Variants in TULP4 observed in about 807,000 individuals in gnomAD.
TULP4 encodes the protein TUB like protein 4.
TULP4 carries 16 observed loss-of-function variants against 129.0 expected under a neutral mutation model. The ratio of observed to expected loss-of-function variants is 0.12; its 90% CI spans 0.08 to 0.19. The LOEUF is 0.19. Ranked by LOEUF, TULP4 falls within the 10% of genes least tolerant of loss-of-function variation. The probability of loss-of-function intolerance (pLI) is 1.00; values close to 1 mark genes in which losing one functional copy is unlikely to be tolerated. For synonymous variants in TULP4, 998 were observed against 854.0 expected (o/e 1.17, Z -2.94); for missense variants, 1,842 against 2,059.1 (o/e 0.89, Z 2.04).
At chr6:158,297,324 TC>T (rs751735421) in intron 1 of TULP4, among the ~76,000 whole-genome samples, 6 of 152,188 alleles carry the variant, frequency 3.9e-5, no homozygotes, top group Non-Finnish European at 8.8e-5. Flanking sequence ...CTTGCATTGT[TC>T]CCTAAAATCG....
At chr6:158,471,264 T>C (rs1321560331) in intron 6 of TULP4, among the ~76,000 whole-genome samples, 1 of 152,264 alleles carries the variant, frequency 6.6e-6, no homozygotes, top group African/African-American at 2.4e-5. Flanking sequence ...AGGAGTGCCA[T>C]GGAGTGCCAT....
intron 1 of TULP4, among the ~76,000 whole-genome samples, chr6:158,306,830 G>T (rs1779223920): frequency 6.6e-6 from 1 of 151,938 alleles, no homozygotes; most frequent in African/African-American, 2.4e-5. Flanking sequence ...GACCAGCCTG[G>T]CTAACGTGGC....
At position 158,423,007 on chromosome 6, in the gene TULP4, A is replaced by G. The variant is rs566192246; in HGVS notation, c.382-6729A>G. The stretch of plus-strand genomic sequence containing the variant: ...GCTAGCCTGGCTCTAAGAAACTTAC[A>G]GGCTCACGCCTGTAATCCAAGCTCT... On this transcript the variant is annotated intron_variant, in intron 2 of 13. Coordinates refer to ENST00000367097, the MANE Select transcript of TULP4 (RefSeq NM_020245.5). Among the ~76,000 whole-genome samples the G allele has an allele frequency of 1.4e-4, 22 of 152,024 alleles. 1 individual carries two copies. The South Asian group carries it at 4.2e-3, about 29-fold the overall frequency.
At chr6:158,345,675 A>T (rs543098373) in intron 1 of TULP4, among the ~76,000 whole-genome samples, 2 of 152,340 alleles carry the variant, frequency 1.3e-5, no homozygotes, top group South Asian at 4.1e-4. Context: ...TCCAACAAAG[A>T]TGGCAAGGCA....
At chr6:158,409,807 A>G (rs78599025) in intron 1 of TULP4, among the ~76,000 whole-genome samples, 264 of 152,306 alleles carry the variant, frequency 1.7e-3, no homozygotes, top group African/African-American at 5.1e-3. Context: ...TTAGCAAAGT[A>G]TGTAAATGGG....
intron 1 of TULP4, among the ~76,000 whole-genome samples, chr6:158,364,810 C>T (rs192530243): frequency 2.6e-5 from 4 of 152,294 alleles, no homozygotes; most frequent in East Asian, 1.9e-4. Context: ...GATCTTGGCT[C>T]ACTGCAAGCT....
At chr6:158,492,360 G>A (rs1780235742) in intron 9 of TULP4, among the ~76,000 whole-genome samples, 1 of 152,156 alleles carries the variant, frequency 6.6e-6, no homozygotes, top group African/African-American at 2.4e-5. Context: ...ATTAATTTTT[G>A]TGTTTGGTAT....
chr6:158,394,387 C>T (rs1389569075), intron 1 of TULP4, among the ~76,000 whole-genome samples: 1 of 152,042 alleles, frequency 6.6e-6, no homozygotes, highest in Non-Finnish European at 1.5e-5. Context: ...TTGCCTATTA[C>T]CCAGTTTCGA....
chr6:158,296,610 A>G (rs1297441792), intron 1 of TULP4, among the ~76,000 whole-genome samples: 7 of 151,634 alleles, frequency 4.6e-5, no homozygotes, highest in African/African-American at 1.7e-4. Context: ...AACTACTGAT[A>G]AGTATCGGGG....
At chr6:158,265,699 AT>A (rs397779735) in intron 1 of TULP4, among the ~76,000 whole-genome samples, 1 of 150,498 alleles carries the variant, frequency 6.6e-6, no homozygotes, top group East Asian at 2.0e-4. Flanking sequence ...AAAAAAAAAA[AT>A]TTTGGCTCAA....
In TULP4 at chr6:158,238,286, C is replaced by G; in HGVS notation, n.68+5983C>G. 9.7e-6 allele frequency: 11 copies of G among 1,131,270 alleles called. No individual in the cohort carries two copies. In the South Asian group the frequency reaches 1.2e-4, roughly 12 times the overall value. The allele number at this position is 1,131,270 out of a possible 1,614,324, so 70.1% of individuals were successfully genotyped here. The stretch of plus-strand genomic sequence containing the variant: ...TATTGCTTTTGTGTGCTGCTTTTCA[C>G]GCAGAGCTGGGCACCTTGGGTTAAC... On this transcript the variant is annotated intron_variant and non_coding_transcript_variant, in intron 1 of 1. Coordinates refer to the TULP4 transcript ENST00000620026.
chr6:158,393,994 A>C (rs1259403697), intron 1 of TULP4, among the ~76,000 whole-genome samples: 1 of 152,190 alleles, frequency 6.6e-6, no homozygotes, highest in East Asian at 1.9e-4. Context: ...TCCCTTTTAA[A>C]CATAAGTTCC....
Position 158,507,736 on chromosome 6 carries a change from A to G in TULP4, c.*1042A>G, listed in dbSNP as rs1346251051. On this transcript the variant is annotated 3_prime_UTR_variant, in exon 14 of 14. Coordinates refer to ENST00000367097, the MANE Select transcript of TULP4 (RefSeq NM_020245.5). ...GAGATACCATGTTCTATGCCTTCCC[A>G]TTCTAAAAGTGTGGACAACGCTTGA... The G allele has an allele frequency of 6.6e-6, 1 of 152,232 alleles. No homozygotes were observed. Among genetic ancestry groups the G allele is most frequent in the African/African-American group, 2.4e-5 (1 of 41,474 alleles). The allele number at this position is 152,232 out of a possible 1,614,324, so 9.4% of individuals were successfully genotyped here.
chr6:158,446,058 T>C (rs1779030277), intron 3 of TULP4, among the ~76,000 whole-genome samples: 1 of 152,218 alleles, frequency 6.6e-6, no homozygotes, highest in Admixed American at 6.5e-5. Flanking sequence ...CAGCAGAGAT[T>C]GATGCACTTG....
chr6:158,407,192 G>C (rs1323777599), intron 1 of TULP4, among the ~76,000 whole-genome samples: 1 of 152,198 alleles, frequency 6.6e-6, no homozygotes, highest in African/African-American at 2.4e-5. Context: ...TAATAGTAAA[G>C]ACTACCCAAC....
intron 1 of TULP4, among the ~76,000 whole-genome samples, chr6:158,305,838 A>G (rs1181661094): frequency 6.6e-6 from 1 of 152,086 alleles, no homozygotes; most frequent in Non-Finnish European, 1.5e-5. Flanking sequence ...TAATCATTTT[A>G]TACCAACCCC....
chr6:158,257,173 A>T (rs1326656730), intron 1 of TULP4, among the ~76,000 whole-genome samples: 1 of 152,112 alleles, frequency 6.6e-6, no homozygotes, highest in African/African-American at 2.4e-5. Context: ...GAAGATGCCT[A>T]CTTTGTTTGA....
chr6:158,430,462 G>T (rs1232861388), intron 3 of TULP4, among the ~76,000 whole-genome samples: 1 of 152,140 alleles, frequency 6.6e-6, no homozygotes, highest in Non-Finnish European at 1.5e-5. Flanking sequence ...CATTTTGGAG[G>T]CCAGGCACGG....
chr6:158,293,089 A>G (rs1246956924), intron 1 of TULP4, among the ~76,000 whole-genome samples: 2 of 152,214 alleles, frequency 1.3e-5, no homozygotes, highest in African/African-American at 4.8e-5. Flanking sequence ...CTACTAATCA[A>G]GCAGTTTGTC....
Sources: gnomAD v4.1 joint callset for allele counts (sites outside exome capture counted in the v4.1 genomes callset) on GRCh38, gnomAD v4.1.1 for gene constraint, MANE v1.5 for transcripts, NCBI Gene and HGNC (gene_info 2026-07-23, HGNC 2026-07-21) for gene names.